Variants in PELI2 observed in about 807,000 individuals in gnomAD.
The protein encoded by PELI2 is E3 ubiquitin-protein ligase pellino homolog 2.
In PELI2, 23 loss-of-function variants were observed where a neutral mutation model predicts 42.3. The ratio of observed to expected loss-of-function variants is 0.54; its 90% CI spans 0.39 to 0.77. PELI2 has a LOEUF of 0.77. Among genes scored for constraint, PELI2 ranks in the 30% least tolerant of loss-of-function variants. The probability of loss-of-function intolerance (pLI) is 0.00; values close to 1 mark genes in which losing one functional copy is unlikely to be tolerated. For missense variants in PELI2, 463 were observed against 553.2 expected, an observed-to-expected ratio of 0.84 and a Z score of 1.64; for synonymous variants, 245 against 212.2, an observed-to-expected ratio of 1.15 and a Z score of -1.34.
At chr14:56,229,629 A>G (rs1318623513) in intron 2 of PELI2, among the ~76,000 whole-genome samples, 1 of 152,196 alleles carries the variant, frequency 6.6e-6, no homozygotes, top group African/African-American at 2.4e-5. Flanking sequence ...GATAAAACCA[A>G]AAAGATGGGG....
intron 2 of PELI2, among the ~76,000 whole-genome samples, chr14:56,275,655 T>C (rs1205056025): frequency 6.6e-6 from 1 of 152,154 alleles, no homozygotes; most frequent in East Asian, 1.9e-4. Flanking sequence ...GTGGCAATGA[T>C]AGCAATGGGG....
intron 1 of PELI2, among the ~76,000 whole-genome samples, chr14:56,149,942 G>A (rs1884276932): frequency 6.6e-6 from 1 of 152,098 alleles, no homozygotes; most frequent in Non-Finnish European, 1.5e-5. Flanking sequence ...AACAGGTCTT[G>A]CTTCCCTCTA....
At position 56,300,946 on chromosome 14, in the gene PELI2, A is replaced by G. The variant is rs914258821; in HGVS notation, c.*3780A>G. On this transcript the variant is annotated 3_prime_UTR_variant, in exon 6 of 6. Coordinates refer to ENST00000267460, the MANE Select transcript of PELI2 (RefSeq NM_021255.3). ...TTTAGTATAACTTACATCCTTTCAAATAAGTCTTTGCCCTCATGAAGAATC... is the reference window on the plus strand; with the variant it reads ...TTTAGTATAACTTACATCCTTTCAAGTAAGTCTTTGCCCTCATGAAGAATC... The G allele has an allele frequency of 1.3e-5, 2 of 152,246 alleles. No homozygotes were observed. Among genetic ancestry groups the G allele is most frequent in the Non-Finnish European group, 2.9e-5 (2 of 68,042 alleles). The allele number at this position is 152,246 out of a possible 1,614,324, so 9.4% of individuals were successfully genotyped here.
intron 1 of PELI2, among the ~76,000 whole-genome samples, chr14:56,160,835 G>A (rs1884731889): frequency 6.6e-6 from 1 of 152,164 alleles, no homozygotes; most frequent in Non-Finnish European, 1.5e-5. Context: ...GTGTAGCTGA[G>A]GGAACTGGGG....
chr14:56,152,465 GTTTA>G (rs2139623700), intron 1 of PELI2, among the ~76,000 whole-genome samples: 1 of 152,238 alleles, frequency 6.6e-6, no homozygotes, highest in African/African-American at 2.4e-5. Context: ...TTAACAGTCT[GTTTA>G]TGAGAGGAAA....
chr14:56,176,702 A>G (rs971984319), intron 1 of PELI2, among the ~76,000 whole-genome samples: 2 of 152,186 alleles, frequency 1.3e-5, no homozygotes, highest in Non-Finnish European at 2.9e-5. Flanking sequence ...TCTACCATAC[A>G]GGGTCATTCT....
intron 1 of PELI2, among the ~76,000 whole-genome samples, chr14:56,133,123 C>A (rs1046067512): frequency 6.6e-6 from 1 of 151,896 alleles, no homozygotes; most frequent in African/African-American, 2.4e-5. Flanking sequence ...ACTTTCACTT[C>A]TAGTTATTGT....
In PELI2 at chr14:56,213,379, A is replaced by G. The variant is rs1886778846; in HGVS notation, c.207+34915A>G. On this transcript the variant is annotated intron_variant, in intron 2 of 5. Transcript: ENST00000267460. ...GCAGAAGGAGATCCAGAAGGGAATTAGCTGATTGGATACCCAGAGAGGAGT... is the reference window on the plus strand; with the variant it reads ...GCAGAAGGAGATCCAGAAGGGAATTGGCTGATTGGATACCCAGAGAGGAGT... Among the ~76,000 whole-genome samples, 4 of 152,240 alleles carry G rather than the reference A, an allele frequency of 2.6e-5. No homozygotes were observed. In the South Asian group the frequency reaches 8.3e-4, roughly 31 times the overall value.
At chr14:56,118,832 G>A (rs1484499837) in intron 1 of PELI2, 95 bp downstream of exon 1, 1 of 740,976 alleles carries the variant, frequency 1.3e-6, no homozygotes, top group Non-Finnish European at 1.9e-6. Flanking sequence ...TGCTCTTTGG[G>A]GACCGCCGGG....
chr14:56,151,336 C>T (rs926179172), intron 1 of PELI2, among the ~76,000 whole-genome samples: 1 of 152,228 alleles, frequency 6.6e-6, no homozygotes, highest in African/African-American at 2.4e-5. Flanking sequence ...TTGATCCTCA[C>T]TTATCTTTAC....
At chr14:56,271,838 C>A (rs1467082877) in intron 2 of PELI2, among the ~76,000 whole-genome samples, 1 of 152,186 alleles carries the variant, frequency 6.6e-6, no homozygotes, top group Non-Finnish European at 1.5e-5. Context: ...GAGCAGATCG[C>A]GTGAGCCCAG....
At chr14:56,186,889 A>G (rs1490966245) in intron 2 of PELI2, among the ~76,000 whole-genome samples, 1 of 152,176 alleles carries the variant, frequency 6.6e-6, no homozygotes, top group Non-Finnish European at 1.5e-5. Flanking sequence ...CTGCATTTAT[A>G]ATTATGCTTC....
intron 1 of PELI2, among the ~76,000 whole-genome samples, chr14:56,169,073 C>T (rs1201697356): frequency 1.3e-5 from 2 of 152,290 alleles, no homozygotes; most frequent in Admixed American, 6.5e-5. Flanking sequence ...CCTCCCCACT[C>T]TACCGTCTCC....
chr14:56,176,158 G>A (rs1885374484), intron 1 of PELI2, among the ~76,000 whole-genome samples: 1 of 152,214 alleles, frequency 6.6e-6, no homozygotes, highest in African/African-American at 2.4e-5. Context: ...GTGGTGCTGG[G>A]GTTCAACTTT....
At chr14:56,280,256 A>C (rs1889433422) in intron 3 of PELI2, among the ~76,000 whole-genome samples, 2 of 152,084 alleles carry the variant, frequency 1.3e-5, no homozygotes, top group African/African-American at 4.8e-5. Flanking sequence ...AAGAAGATCA[A>C]GGGACTAAAC....
At chr14:56,154,532 T>C (rs1438543633) in intron 1 of PELI2, among the ~76,000 whole-genome samples, 1 of 152,266 alleles carries the variant, frequency 6.6e-6, no homozygotes, top group East Asian at 1.9e-4. Context: ...GCTTCCCTTT[T>C]GCCTTCAGCA....
chr14:56,192,770 T>C (rs576745516), intron 2 of PELI2, among the ~76,000 whole-genome samples: 1 of 152,368 alleles, frequency 6.6e-6, no homozygotes, highest in African/African-American at 2.4e-5. Flanking sequence ...TTAATACATG[T>C]AAATCTTTAA....
intron 2 of PELI2, among the ~76,000 whole-genome samples, chr14:56,221,038 G>A (rs1887112262): frequency 6.6e-6 from 1 of 152,214 alleles, no homozygotes; most frequent in South Asian, 2.1e-4. Context: ...ATGGACAGCT[G>A]TAACAGACTG....
intron 2 of PELI2, among the ~76,000 whole-genome samples, chr14:56,229,828 T>C (rs1887494482): frequency 6.6e-6 from 1 of 152,134 alleles, no homozygotes; most frequent in Admixed American, 6.5e-5. Flanking sequence ...TTCAAACCCA[T>C]TGCAAAGATG....
Sources: gnomAD v4.1 joint callset for allele counts (sites outside exome capture counted in the v4.1 genomes callset) on GRCh38, gnomAD v4.1.1 for gene constraint, MANE v1.5 for transcripts, NCBI Gene and HGNC (gene_info 2026-07-23, HGNC 2026-07-21) for gene names.